Variants in SLC8A3 observed in about 807,000 individuals in gnomAD.
SLC8A3 encodes the protein solute carrier family 8 member A3.
In SLC8A3, 37 loss-of-function variants were observed where a neutral mutation model predicts 65.4. The observed-to-expected ratio is 0.57, with a 90% CI of 0.44 to 0.74. SLC8A3 has a LOEUF of 0.74. Among genes scored for constraint, SLC8A3 ranks in the 30% least tolerant of loss-of-function variants. The pLI, the probability that SLC8A3 is intolerant of heterozygous loss-of-function variation, is 0.00. For missense variants in SLC8A3, 1,112 were observed against 1,172.1 expected (o/e 0.95, Z 0.75); for synonymous variants, 461 against 444.5 (o/e 1.04, Z -0.47).
chr14:70,073,478 A>G (rs1288000707), intron 2 of SLC8A3, among the ~76,000 whole-genome samples: 1 of 152,210 alleles, frequency 6.6e-6, no homozygotes, highest in African/African-American at 2.4e-5. Flanking sequence ...CAAGAGAAGT[A>G]AATATATATA....
chr14:70,130,525 A>G (rs551524931), intron 2 of SLC8A3, among the ~76,000 whole-genome samples: 1 of 152,224 alleles, frequency 6.6e-6, no homozygotes, highest in Non-Finnish European at 1.5e-5. Context: ...GTCCTCTGCA[A>G]GGGGGATACC....
intron 2 of SLC8A3, among the ~76,000 whole-genome samples, chr14:70,113,493 C>T (rs538822947): frequency 5.9e-5 from 9 of 152,328 alleles, no homozygotes; most frequent in East Asian, 1.9e-4. Flanking sequence ...GACCAGTACA[C>T]GCAGGAGAAA....
At chr14:70,115,776 G>T (rs1893611454) in intron 2 of SLC8A3, among the ~76,000 whole-genome samples, 1 of 152,284 alleles carries the variant, frequency 6.6e-6, no homozygotes, top group East Asian at 1.9e-4. Flanking sequence ...TGTCAACTGT[G>T]ACCTGGGGCA....
chr14:70,070,616 G>A (rs1359522783), intron 2 of SLC8A3, among the ~76,000 whole-genome samples: 1 of 152,210 alleles, frequency 6.6e-6, no homozygotes, highest in East Asian at 1.9e-4. Context: ...AAGTTGGTGG[G>A]AAGTTCCAGG....
upstream of SLC8A3, chr14:70,188,968 G>A (rs1253766131): frequency 1.3e-5 from 2 of 152,282 alleles, no homozygotes; most frequent in East Asian, 3.9e-4. Context: ...TTCTGGGCGA[G>A]CGGAGAGCTT....
intron 1 of SLC8A3, among the ~76,000 whole-genome samples, chr14:70,176,351 T>G (rs1897908868): frequency 6.6e-6 from 1 of 152,240 alleles, no homozygotes; most frequent in Non-Finnish European, 1.5e-5. Flanking sequence ...TAGAGATGGC[T>G]GTACATCTGA....
In SLC8A3 at chr14:70,166,873, C is replaced by G. The variant is rs775287620; in HGVS notation, c.1550G>C (p.Cys517Ser). The stretch of plus-strand genomic sequence containing the variant: ...ATCCAAGATGGTAACTGTGGCCACA[C>G]AAGGGGAGGCTAGGACAGCCCGAGG... ...PLPRAVLASPCVATVTILDDD... is the reference protein window; with the variant it reads ...PLPRAVLASPSVATVTILDDD... Residue 517 changes from cysteine to serine, a missense_variant, in exon 2 of 7, where the codon TGT becomes TCT. Physicochemically the swap from Cys to Ser is moderately radical, Grantham distance 112. Transcript: ENST00000356921. 1 of 1,614,108 alleles carries G rather than the reference C, an allele frequency of 6.2e-7. No individual in the cohort carries two copies. The highest frequency in any genetic ancestry group is 1.7e-5 in the Admixed American group (1 of 60,024).
Position 70,168,448 on chromosome 14 carries a change from A to G in SLC8A3, c.-26T>C, listed in dbSNP as rs200648846. On this transcript the variant is annotated 5_prime_UTR_variant, in exon 2 of 7. Coordinates refer to ENST00000356921, the MANE Select transcript of SLC8A3 (RefSeq NM_182932.3). ...ACACGAGACTTAGCCACTGGCTTCT[A>G]TTGCAGCACCAGTTGTCCTCCTGAT... The G allele has an allele frequency of 7.0e-6, 11 of 1,575,058 alleles. No individual in the cohort carries two copies. The Admixed American group carries it at 1.2e-4, about 17-fold the overall frequency.
At chr14:70,128,493 C>G (rs1894623936) in intron 2 of SLC8A3, among the ~76,000 whole-genome samples, 1 of 152,184 alleles carries the variant, frequency 6.6e-6, no homozygotes. Flanking sequence ...AATGTCCTTC[C>G]TTCCATACTA....
chr14:70,145,517 A>C (rs940322776), intron 2 of SLC8A3, among the ~76,000 whole-genome samples: 2 of 152,094 alleles, frequency 1.3e-5, no homozygotes, highest in Non-Finnish European at 2.9e-5. Flanking sequence ...TGGCCCCCTC[A>C]CTAGAGATGC....
At chr14:70,063,909 A>G (rs889299845) in intron 2 of SLC8A3, 1 of 1,602,296 alleles carries the variant, frequency 6.2e-7, no homozygotes, top group South Asian at 1.1e-5. Context: ...ATCATCAATT[A>G]CCTTGATGTG....
At chr14:70,168,670 C>G (rs1897322015) in intron 1 of SLC8A3, among the ~76,000 whole-genome samples, 186 bp from the exon 2 acceptor site, 1 of 152,198 alleles carries the variant, frequency 6.6e-6, no homozygotes, top group Non-Finnish European at 1.5e-5. Context: ...TCCAAACCAT[C>G]TGGTGGAGAC....
chr14:70,086,904 T>G (rs1312204838), intron 2 of SLC8A3, among the ~76,000 whole-genome samples: 1 of 152,190 alleles, frequency 6.6e-6, no homozygotes, highest in Non-Finnish European at 1.5e-5. Flanking sequence ...TCAGATTCCA[T>G]AAACCACCCT....
chr14:70,057,663 C>T lies in SLC8A3; in HGVS notation c.1888+3173G>A, dbSNP rs534862275. Among the ~76,000 whole-genome samples the T allele has an allele frequency of 9.8e-5, 15 of 152,294 alleles. No homozygotes were observed. The East Asian group carries it at 2.3e-3, about 24-fold the overall frequency. On this transcript the variant is annotated intron_variant, in intron 3 of 6. Transcript: ENST00000356921. ...TAGGCCAGCTTTGACTGACACAATA[C>T]CTCGAGGGTGTTTTTCCTGCTGCTG...
chr14:70,184,672 TG>T (rs1320200312), intron 1 of SLC8A3, among the ~76,000 whole-genome samples: 5 of 152,228 alleles, frequency 3.3e-5, no homozygotes, highest in Admixed American at 2.6e-4. Context: ...TACCCTCTAC[TG>T]GCATAAATCA....
At position 70,167,790 on chromosome 14, in the gene SLC8A3, G is replaced by C. The variant is rs763069474; in HGVS notation, c.633C>G (p.Ile211Met). ...RVFFITAAWS[I>M]FAYIWLYMIL... ...TCATATAGAGCCAGATGTAGGCAAA[G>C]ATACTCCAAGCAGCGGTGATGAAGA... The change falls in exon 2 of 7, where the codon ATC (isoleucine) becomes ATG (methionine). Residue 211 changes from isoleucine (I) to methionine (M), a missense_variant. Transcript: ENST00000356921. 1.9e-6 allele frequency: 3 copies of C among 1,614,148 alleles called. No homozygotes were observed. The South Asian group carries it at 3.3e-5, about 18-fold the overall frequency.
At chr14:70,113,711 C>G (rs927615087) in intron 2 of SLC8A3, among the ~76,000 whole-genome samples, 6 of 152,208 alleles carry the variant, frequency 3.9e-5, no homozygotes, top group Non-Finnish European at 8.8e-5. Flanking sequence ...ATTGTTAACA[C>G]TATAACCACA....
chr14:70,167,820 T>C lies in SLC8A3; in HGVS notation c.603A>G (p.Arg201=). Residue 201 remains arginine, a synonymous_variant, in exon 2 of 7, where the codon CGA becomes CGG. Transcript: ENST00000356921. ...DGETRKIKHL[R]VFFITAAWSI... is the part of the protein sequence containing the mutation. ...TCCAAGCAGCGGTGATGAAGAAGAC[T>C]CGTAGATGCTTGATCTTGCGAGTCT... is the stretch of plus-strand genomic sequence containing the variant. 1 of 1,614,086 alleles carries C rather than the reference T, an allele frequency of 6.2e-7. No homozygotes were observed.
intron 2 of SLC8A3, among the ~76,000 whole-genome samples, chr14:70,104,439 C>T (rs1892725981): frequency 6.6e-6 from 1 of 152,026 alleles, no homozygotes; most frequent in Admixed American, 6.5e-5. Flanking sequence ...TAATTTGAGA[C>T]TCTGTTATTA....
Sources: allele counts gnomAD v4.1 joint callset (sites outside exome capture counted in the v4.1 genomes callset), GRCh38; gene constraint gnomAD v4.1.1; transcripts MANE v1.5; gene names NCBI Gene and HGNC (gene_info 2026-07-23, HGNC 2026-07-21).